YLPM1: variants seen among roughly 807,000 people sequenced by gnomAD.
The protein encoded by YLPM1 is YLP motif containing 1, also known as YLP motif-containing protein 1.
A neutral mutation model predicts 230.0 loss-of-function variants in YLPM1; 99 were observed. The observed-to-expected ratio is 0.43, with a 90% CI of 0.37 to 0.51. The LOEUF (loss-of-function observed/expected upper bound fraction) is 0.51. YLPM1 is among the 20% of genes least tolerant of loss of function. YLPM1 has a pLI of 0.00. For missense variants in YLPM1, 2,592 were observed against 2,707.7 expected (o/e 0.96, Z 0.95); for synonymous variants, 984 against 942.5 (o/e 1.04, Z -0.81).
At chr14:74,808,343 C>T (rs1003075655) in intron 6 of YLPM1, among the ~76,000 whole-genome samples, 3 of 152,264 alleles carry the variant, frequency 2.0e-5, no homozygotes, top group African/African-American at 7.2e-5. Flanking sequence ...TATTTATAAC[C>T]TGTTACATGA....
intron 13 of YLPM1, 114 bp from the exon 14 acceptor site, chr14:74,816,817 C>G: frequency 7.0e-7 from 1 of 1,434,068 alleles, no homozygotes; most frequent in Non-Finnish European, 9.3e-7. Context: ...TACTTTAGTA[C>G]TTGGGTGTGA....
chr14:74,825,888 G>C (rs777489691), intron 18 of YLPM1, among the ~76,000 whole-genome samples: 2 of 152,112 alleles, frequency 1.3e-5, no homozygotes, highest in Non-Finnish European at 2.9e-5. Flanking sequence ...AGGGAATTTA[G>C]TTGTGATGAT....
At chr14:74,822,999 C>T (rs1327617471) in intron 17 of YLPM1, among the ~76,000 whole-genome samples, 1 of 152,038 alleles carries the variant, frequency 6.6e-6, no homozygotes, top group African/African-American at 2.4e-5. Context: ...ACTTTTAGCA[C>T]TATCACTTCA....
intron 1 of YLPM1, among the ~76,000 whole-genome samples, chr14:74,774,440 C>T (rs919532240): frequency 2.0e-5 from 3 of 152,008 alleles, no homozygotes; most frequent in Non-Finnish European, 2.9e-5. Context: ...GAGTCTCGCT[C>T]TGTCGCCCAG....
At chr14:74,829,395 C>A in intron 19 of YLPM1, 52 bp downstream of exon 19, 1 of 1,606,930 alleles carries the variant, frequency 6.2e-7, no homozygotes, top group South Asian at 1.1e-5. Flanking sequence ...ATTTAGGCAT[C>A]TGGTTTTAGG....
In YLPM1 at chr14:74,817,296, G is replaced by A. The variant is rs1374116776; in HGVS notation, c.5946+19G>A. On this transcript the variant is annotated intron_variant, in intron 15 of 20. Coordinates refer to ENST00000325680, the MANE Select transcript of YLPM1 (RefSeq NM_019589.3). Reference sequence around the variant, plus strand: ...AAATAAGGTGATTTTAAGAAACATAGAATAATAGAGTACTATCATGCGCTG... The same window carrying A: ...AAATAAGGTGATTTTAAGAAACATAAAATAATAGAGTACTATCATGCGCTG... 1.4e-5 allele frequency: 21 copies of A among 1,555,144 alleles called. No individual in the cohort carries two copies. Among genetic ancestry groups the A allele is most frequent in the Non-Finnish European group, 1.7e-5 (20 of 1,148,094 alleles).
chr14:74,797,148 A>ATTT (rs71303895), intron 4 of YLPM1, among the ~76,000 whole-genome samples: 24 of 100,776 alleles, frequency 2.4e-4, no homozygotes, highest in Admixed American at 7.6e-4. Context: ...AAATTTTTGT[A>ATTT]TTTTTTTTTT....
intron 6 of YLPM1, among the ~76,000 whole-genome samples, chr14:74,807,670 A>C (rs2091393066): frequency 6.6e-6 from 1 of 152,248 alleles, no homozygotes; most frequent in Non-Finnish European, 1.5e-5. Context: ...AGGAGGGCAC[A>C]CAACAGTGGC....
intron 4 of YLPM1, among the ~76,000 whole-genome samples, chr14:74,787,786 G>A (rs1594818516): frequency 6.6e-6 from 1 of 152,062 alleles, no homozygotes; most frequent in Non-Finnish European, 1.5e-5. Context: ...AGGCCTAGGC[G>A]AGCGGATCAC....
chr14:74,819,327 T>A (rs1474602579), intron 16 of YLPM1, among the ~76,000 whole-genome samples: 1 of 150,740 alleles, frequency 6.6e-6, no homozygotes, highest in Non-Finnish European at 1.5e-5. Context: ...TAGATTGTAG[T>A]GCAGTGGTGT....
chr14:74,821,027 CTTTTT>C (rs750279167), intron 16 of YLPM1, 25 bp from the exon 17 acceptor site: 102 of 1,313,526 alleles, frequency 7.8e-5, no homozygotes, highest in Admixed American at 2.2e-4. Flanking sequence ...TTAACTCAGT[CTTTTT>C]TTTTTTTTTT....
rs556084920 is a variant in YLPM1 at position 74,816,606 on chromosome 14, A to G, written c.5601A>G (p.Arg1867=). Residue 1867 remains arginine (R), a synonymous_variant, in exon 13 of 21, where the codon AGA becomes AGG. Transcript: ENST00000325680. Reference sequence around the variant, plus strand: ...TAGAATTTGGAGGACCTGCACCCAGAGTTCTAAGCCTGGATGATTACTTCA... The same window carrying G: ...TAGAATTTGGAGGACCTGCACCCAGGGTTCTAAGCCTGGATGATTACTTCA... ...KEVEFGGPAP[R]VLSLDDYFIT... is the part of the protein sequence containing the mutation. 3.1e-6 allele frequency: 5 copies of G among 1,613,736 alleles called. No individual in the cohort carries two copies. In the African/African-American group the frequency reaches 5.3e-5, roughly 17 times the overall value.
chr14:74,788,710 G>T (rs986660986), intron 4 of YLPM1, among the ~76,000 whole-genome samples: 1 of 152,066 alleles, frequency 6.6e-6, no homozygotes, highest in Non-Finnish European at 1.5e-5. Context: ...AGGCTTGGTG[G>T]CATGTGCCTG....
chr14:74,802,133 A>C (rs1302933563), intron 5 of YLPM1, among the ~76,000 whole-genome samples: 1 of 151,062 alleles, frequency 6.6e-6, no homozygotes, highest in Non-Finnish European at 1.5e-5. Flanking sequence ...CAGGAGAATC[A>C]CTTGAACCCG....
chr14:74,817,114 G>A lies in YLPM1; in HGVS notation c.5862+7G>A. On this transcript the variant is annotated splice_region_variant and intron_variant, in intron 14 of 20. Coordinates refer to ENST00000325680, the MANE Select transcript of YLPM1 (RefSeq NM_019589.3). ...AAAAACCAAGGGATTTGAGGTAGAAGCTTAAAGAACTTTAAAGTACTTTGT... is the reference window on the plus strand; with the variant it reads ...AAAAACCAAGGGATTTGAGGTAGAAACTTAAAGAACTTTAAAGTACTTTGT... 6.2e-7 allele frequency: 1 copy of A among 1,600,836 alleles called. No homozygotes were observed. The highest frequency in any genetic ancestry group is 8.5e-7 in the Non-Finnish European group (1 of 1,174,646).
At chr14:74,809,247 G>T in intron 6 of YLPM1, 133 bp from the exon 7 acceptor site, 2 of 1,240,036 alleles carry the variant, frequency 1.6e-6, no homozygotes, top group Non-Finnish European at 1.1e-6. Context: ...GGTATGTTTT[G>T]AAGCACGAAA....
chr14:74,815,813 C>T (rs1371049563), intron 11 of YLPM1, among the ~76,000 whole-genome samples: 1 of 152,034 alleles, frequency 6.6e-6, no homozygotes, highest in Non-Finnish European at 1.5e-5. Flanking sequence ...TTAAGCACTG[C>T]TTTAGCTGTA....
Position 74,802,660 on chromosome 14 carries a change from G to T in YLPM1, c.4505G>T (p.Arg1502Ile). Residue 1502 changes from arginine (R) to isoleucine (I), a missense_variant, in exon 6 of 21, where the codon AGA (arginine) becomes ATA (isoleucine). Arg to Ile is a moderately conservative substitution (Grantham distance 97). This residue lies in a region of YLPM1 where 403 missense variants were observed against 426.7 expected (regional missense o/e 0.94). Coordinates refer to ENST00000325680, the MANE Select transcript of YLPM1 (RefSeq NM_019589.3). ...TCAAGATTGCAGAATACATCTTCAA[G>T]ACCTGGAATGTATCCGGTATGGGAG... ...QESRLQNTSS[R>I]PGMYPPPGSY... 1 of 1,611,854 alleles carries T rather than the reference G, an allele frequency of 6.2e-7. No individual in the cohort carries two copies. Among genetic ancestry groups the T allele is most frequent in the South Asian group, 1.1e-5 (1 of 90,586 alleles).
intron 4 of YLPM1, among the ~76,000 whole-genome samples, chr14:74,784,047 T>A (rs186448653): frequency 1.4e-3 from 217 of 152,378 alleles, no homozygotes; most frequent in South Asian, 3.5e-3. Context: ...CTGTCAGTGC[T>A]TATTTGGCAT....
Sources: gnomAD v4.1 joint callset for allele counts (sites outside exome capture counted in the v4.1 genomes callset) on GRCh38, gnomAD v4.1.1 for gene constraint, gnomAD v4.1.1 regional missense constraint, MANE v1.5 for transcripts, NCBI Gene and HGNC (gene_info 2026-07-23, HGNC 2026-07-21) for gene names.